The following LMNTD1 variants were observed in gnomAD, a reference collection of about 807,000 sequenced individuals.
LMNTD1 encodes the protein lamin tail domain containing 1.
Under a neutral mutation model 50.9 loss-of-function variants are expected in LMNTD1, and 35 were observed. The observed-to-expected ratio is 0.69, with a 90% CI of 0.53 to 0.91. The LOEUF is 0.91. Among genes scored for constraint, LMNTD1 ranks in the 40% least tolerant of loss-of-function variants. The pLI is 0.00. For synonymous variants in LMNTD1, 153 were observed against 161.9 expected (o/e 0.94, Z 0.42); for missense variants, 470 against 475.5 (o/e 0.99, Z 0.11).
At chr12:25,585,795 C>A (rs1249472649) in intron 1 of LMNTD1, among the ~76,000 whole-genome samples, 1 of 152,204 alleles carries the variant, frequency 6.6e-6, no homozygotes, top group East Asian at 1.9e-4. Flanking sequence ...TGGGGTGACA[C>A]AAGGTTGTTC....
intron 1 of LMNTD1, among the ~76,000 whole-genome samples, chr12:25,621,638 C>T (rs910833857): frequency 6.6e-6 from 1 of 152,140 alleles, no homozygotes; most frequent in Non-Finnish European, 1.5e-5. Context: ...AATTCTGTTC[C>T]CCTATTTTTC....
At chr12:25,503,578 G>C (rs988970254) in intron 9 of LMNTD1, among the ~76,000 whole-genome samples, 160 bp downstream of exon 9, 2 of 152,130 alleles carry the variant, frequency 1.3e-5, no homozygotes, top group Non-Finnish European at 2.9e-5. Context: ...GACAAAAACT[G>C]ATGGCTCTAA....
At chr12:25,623,387 T>TA (rs749296597) in intron 1 of LMNTD1, among the ~76,000 whole-genome samples, 114 of 148,576 alleles carry the variant, frequency 7.7e-4, no homozygotes, top group Non-Finnish European at 1.3e-3. Context: ...CCATCACTAC[T>TA]AAAAAAAAAT....
At chr12:25,531,412 G>A (rs1942215707) in intron 4 of LMNTD1, among the ~76,000 whole-genome samples, 2 of 152,142 alleles carry the variant, frequency 1.3e-5, no homozygotes, top group South Asian at 4.1e-4. Context: ...TGCAGTTTCA[G>A]TCCCAATGTT....
chr12:25,617,805 G>T (rs1946380552), intron 1 of LMNTD1, among the ~76,000 whole-genome samples: 1 of 152,164 alleles, frequency 6.6e-6, no homozygotes, highest in Non-Finnish European at 1.5e-5. Flanking sequence ...TGGTGTGTGA[G>T]GCCACAGAAA....
chr12:25,606,075 AT>A (rs1318736730), intron 1 of LMNTD1, among the ~76,000 whole-genome samples: 1 of 151,950 alleles, frequency 6.6e-6, no homozygotes, highest in East Asian at 1.9e-4. Context: ...ATTCCTAGGT[AT>A]TTTATTCTCT....
chr12:25,559,362 A>C (rs2136294027), intron 1 of LMNTD1, among the ~76,000 whole-genome samples: 1 of 152,254 alleles, frequency 6.6e-6, no homozygotes, highest in African/African-American at 2.4e-5. Context: ...ACGTCCCTTC[A>C]AAGGACATGA....
intron 2 of LMNTD1, among the ~76,000 whole-genome samples, chr12:25,550,448 C>T (rs538957382): frequency 1.6e-4 from 24 of 152,268 alleles, no homozygotes; most frequent in African/African-American, 5.1e-4. Context: ...GAACAAAATC[C>T]TCCAATCCAA....
intron 1 of LMNTD1, among the ~76,000 whole-genome samples, chr12:25,643,488 G>T (rs552742891): frequency 6.6e-6 from 1 of 152,326 alleles, no homozygotes; most frequent in East Asian, 1.9e-4. Context: ...AAACAAGGAA[G>T]AGACTTACAT....
intron 1 of LMNTD1, among the ~76,000 whole-genome samples, chr12:25,637,694 T>C (rs1314806704): frequency 6.6e-6 from 1 of 152,088 alleles, no homozygotes; most frequent in Non-Finnish European, 1.5e-5. Flanking sequence ...TAAAGAACTC[T>C]TTACATTCAA....
chr12:25,522,055 C>G (rs750031152), intron 6 of LMNTD1, among the ~76,000 whole-genome samples: 2 of 152,166 alleles, frequency 1.3e-5, no homozygotes, highest in Non-Finnish European at 2.9e-5. Flanking sequence ...CACACTGTAA[C>G]CTTTGAACAT....
At chr12:25,494,802 T>C (rs1297116895) in intron 9 of LMNTD1, among the ~76,000 whole-genome samples, 1 of 152,172 alleles carries the variant, frequency 6.6e-6, no homozygotes, top group Non-Finnish European at 1.5e-5. Context: ...AATGATTAAT[T>C]CAATCAAAAT....
At chr12:25,647,417 G>C (rs566536274) in intron 1 of LMNTD1, among the ~76,000 whole-genome samples, 2 of 152,158 alleles carry the variant, frequency 1.3e-5, no homozygotes, top group African/African-American at 4.8e-5. Flanking sequence ...TGAGCCTGGG[G>C]GGGCAGAGGT....
intron 8 of LMNTD1, among the ~76,000 whole-genome samples, chr12:25,513,770 A>G (rs1940510701): frequency 1.4e-5 from 2 of 145,674 alleles, no homozygotes; most frequent in African/African-American, 5.2e-5. Flanking sequence ...AAAGTGAAAA[A>G]AAGTTATAGA....
At chr12:25,611,989 A>G (rs1214020271) in intron 1 of LMNTD1, among the ~76,000 whole-genome samples, 2 of 152,112 alleles carry the variant, frequency 1.3e-5, no homozygotes, top group Non-Finnish European at 2.9e-5. Flanking sequence ...TATTTTCTTC[A>G]TGGAACAGCA....
intron 1 of LMNTD1, chr12:25,648,354 T>C: frequency 1.5e-6 from 1 of 669,452 alleles, no homozygotes; most frequent in East Asian, 2.7e-5. Flanking sequence ...AATTTCACGT[T>C]TATGAAAAAA....
At chr12:25,640,035 G>A (rs1946918551) in intron 1 of LMNTD1, among the ~76,000 whole-genome samples, 1 of 152,078 alleles carries the variant, frequency 6.6e-6, no homozygotes. Context: ...AGTGAAAGAA[G>A]ACAGACATAA....
chr12:25,575,977 G>A (rs1945001706), intron 1 of LMNTD1, among the ~76,000 whole-genome samples: 2 of 152,176 alleles, frequency 1.3e-5, no homozygotes, highest in Admixed American at 1.3e-4. Flanking sequence ...TGCTCAGAAT[G>A]ATGGTTTCCA....
intron 9 of LMNTD1, among the ~76,000 whole-genome samples, chr12:25,489,666 A>G (rs907785553): frequency 2.0e-5 from 3 of 152,070 alleles, no homozygotes; most frequent in Non-Finnish European, 2.9e-5. Flanking sequence ...TCAGTCCCCA[A>G]TAGCCATTTT....
Sources: gnomAD v4.1 joint callset for allele counts (sites outside exome capture counted in the v4.1 genomes callset) on GRCh38, gnomAD v4.1.1 for gene constraint, MANE v1.5 for transcripts, NCBI Gene and HGNC (gene_info 2026-07-23, HGNC 2026-07-21) for gene names.